Variants in ZNF189 observed in about 807,000 individuals in gnomAD.
The protein encoded by ZNF189 is zinc finger protein 189.
ZNF189 carries 33 observed loss-of-function variants against 53.5 expected under a neutral mutation model. The ratio of observed to expected loss-of-function variants is 0.62; its 90% CI spans 0.47 to 0.82. ZNF189 has a LOEUF of 0.82. ZNF189 is among the 40% of genes least tolerant of loss of function. The pLI is 0.00. For synonymous variants in ZNF189, 247 were observed against 238.8 expected, an observed-to-expected ratio of 1.03 and a Z score of -0.32; for missense variants, 711 against 753.9, an observed-to-expected ratio of 0.94 and a Z score of 0.67.
chr9:101,403,878 C>G (rs1830621386), intron 2 of ZNF189, among the ~76,000 whole-genome samples: 1 of 152,258 alleles, frequency 6.6e-6, no homozygotes. Context: ...CACAAACATT[C>G]AGTCTATAAC....
chr9:101,409,574 C>G lies in ZNF189; in HGVS notation c.1806C>G (p.Asp602Glu), dbSNP rs17772514. The G allele has an allele frequency of 1.2e-6, 2 of 1,613,916 alleles. No individual in the cohort carries two copies. Among genetic ancestry groups the G allele is most frequent in the Admixed American group, 3.3e-5 (2 of 59,950 alleles). Residue 602 changes from aspartate (D) to glutamate (E), a missense_variant, in exon 3 of 3, where the codon GAC becomes GAG. By Grantham distance (45) the Asp-to-Glu change is conservative. Transcript: ENST00000339664. ...AAACCCAAGAAACCCATGAATGTGA[C>G]GCTTGTGGTGAAGCCTTTAATTGCC... Reference protein sequence around the residue: ...EVKTQETHECDACGEAFNCRI... With the variant: ...EVKTQETHECEACGEAFNCRI...
chr9:101,404,333 A>C (rs932425988), intron 2 of ZNF189, among the ~76,000 whole-genome samples: 6 of 152,134 alleles, frequency 3.9e-5, no homozygotes, highest in Middle Eastern at 3.2e-3. Flanking sequence ...GCCTTCTTCT[A>C]AACTTTAGAT....
In ZNF189 at chr9:101,399,096, C is replaced by G; in HGVS notation, c.-61C>G. On this transcript the variant is annotated 5_prime_UTR_variant, in exon 1 of 3. Coordinates refer to ENST00000339664, the MANE Select transcript of ZNF189 (RefSeq NM_003452.4). ...TAATTTCCAGCAGCCGGGTAGGCCT[C>G]ACCAGAGGCTCCTTTCCGTGAGGCC... 1 of 1,254,650 alleles carries G rather than the reference C, an allele frequency of 8.0e-7. No individual in the cohort carries two copies. The highest frequency in any genetic ancestry group is 1.2e-6 in the Non-Finnish European group (1 of 856,006). 77.7% of individuals were successfully genotyped at this position (1,254,650 alleles called of 1,614,324 possible).
chr9:101,403,106 G>C (rs1260804885), intron 2 of ZNF189, among the ~76,000 whole-genome samples: 1 of 151,754 alleles, frequency 6.6e-6, no homozygotes, highest in Non-Finnish European at 1.5e-5. Context: ...ATATGTGTGT[G>C]TGTGTGTGTG....
At position 101,408,660 on chromosome 9, in the gene ZNF189, A is replaced by T. The variant is rs1018267579; in HGVS notation, c.892A>T (p.Ser298Cys). Reference protein sequence around the residue: ...YHCTKCKKSFSRNSLLVEHQR... With the variant: ...YHCTKCKKSFCRNSLLVEHQR... Reference sequence around the variant, plus strand: ...CTGTACCAAATGTAAGAAGAGCTTTAGTCGAAATTCATTGCTTGTTGAGCA... The same window carrying T: ...CTGTACCAAATGTAAGAAGAGCTTTTGTCGAAATTCATTGCTTGTTGAGCA... Residue 298 changes from serine to cysteine, a missense_variant, in exon 3 of 3, where the codon AGT becomes TGT. Ser to Cys is a moderately radical substitution (Grantham distance 112). Coordinates refer to ENST00000339664, the MANE Select transcript of ZNF189 (RefSeq NM_003452.4). The T allele has an allele frequency of 6.2e-7, 1 of 1,614,190 alleles. No homozygotes were observed. Among genetic ancestry groups the T allele is most frequent in the Admixed American group, 1.7e-5 (1 of 60,028 alleles).
chr9:101,402,362 A>G (rs1366135469), intron 2 of ZNF189, among the ~76,000 whole-genome samples: 1 of 152,238 alleles, frequency 6.6e-6, no homozygotes, highest in Non-Finnish European at 1.5e-5. Flanking sequence ...GGAAATAATA[A>G]TAGCACCTAC....
intron 2 of ZNF189, among the ~76,000 whole-genome samples, chr9:101,403,520 C>T (rs1295155562): frequency 1.3e-5 from 2 of 152,094 alleles, no homozygotes; most frequent in East Asian, 3.8e-4. Flanking sequence ...TTTGGCTTTT[C>T]ATTCATACTT....
rs766583468 is a variant in ZNF189, at chr9:101,408,505, G to T, written c.737G>T (p.Ser246Ile). 6.2e-7 allele frequency: 1 copy of T among 1,614,132 alleles called. No homozygotes were observed. The highest frequency in any genetic ancestry group is 8.5e-7 in the Non-Finnish European group (1 of 1,180,036). The change falls in exon 3 of 3, where the codon AGC becomes ATC. Residue 246 changes from serine to isoleucine, a missense_variant. Coordinates refer to ENST00000339664, the MANE Select transcript of ZNF189 (RefSeq NM_003452.4). ...AAACAGAGCTTCAGCCAGAGAAGGAGCCTTGTTAAACATCAAAGGATTCAT... is the reference window on the plus strand; with the variant it reads ...AAACAGAGCTTCAGCCAGAGAAGGATCCTTGTTAAACATCAAAGGATTCAT... The part of the protein sequence containing the change: ...QCKQSFSQRR[S>I]LVKHQRIHTG...
chr9:101,401,747 C>T (rs568477125), intron 2 of ZNF189, among the ~76,000 whole-genome samples: 13 of 152,176 alleles, frequency 8.5e-5, no homozygotes, highest in Non-Finnish European at 1.8e-4. Flanking sequence ...TTGTCAAATG[C>T]AGTAGACTCT....
In ZNF189 at chr9:101,408,177, AT is replaced by A; in HGVS notation, c.410del (p.Ile137ThrfsTer79). 6.2e-7 allele frequency: 1 copy of A among 1,614,198 alleles called. No homozygotes were observed. The highest frequency in any genetic ancestry group is 8.5e-7 in the Non-Finnish European group (1 of 1,180,034). ...AATGTTCAGAGAAAACACTAACATT[AT>A]CCGTAAAAGACCAAACTCAGAAGAG... ...QRMFRENTNI[I>X]RKRPNSEEKC... On this transcript the variant is annotated frameshift_variant, in exon 3 of 3. Coordinates refer to ENST00000339664, the MANE Select transcript of ZNF189 (RefSeq NM_003452.4). LOFTEE classifies it high-confidence loss of function.
rs751607123 is a variant in ZNF189, at chr9:101,407,997, G to T, written c.229G>T (p.Val77Leu). Residue 77 changes from valine (V) to leucine (L), a missense_variant, in exon 3 of 3, where the codon GTG becomes TTG. Coordinates refer to ENST00000339664, the MANE Select transcript of ZNF189 (RefSeq NM_003452.4). ...AGAGATTGAAGAAATTGAGGAAGAA[G>T]TGGAACCACAGGGTGTAATAGTTAC... ...KQEIEEIEEE[V>L]EPQGVIVTRI... 6.2e-7 allele frequency: 1 copy of T among 1,609,004 alleles called. No homozygotes were observed. Among genetic ancestry groups the T allele is most frequent in the East Asian group, 2.2e-5 (1 of 44,782 alleles).
Position 101,409,008 on chromosome 9 carries a change from G to A in ZNF189, c.1240G>A (p.Gly414Ser). The change falls in exon 3 of 3, where the codon GGT (glycine) becomes AGT (serine). Residue 414 changes from glycine to serine, a missense_variant. Gly to Ser is a moderately conservative substitution (Grantham distance 56). Coordinates refer to ENST00000339664, the MANE Select transcript of ZNF189 (RefSeq NM_003452.4). ...ECGKAFSRSSGLIQHQRIHTR... is the reference protein window; with the variant it reads ...ECGKAFSRSSSLIQHQRIHTR... ...TGGAAAAGCCTTTAGTAGAAGCTCA[G>A]GTCTTATTCAGCATCAGAGAATTCA... The A allele has an allele frequency of 2.5e-6, 4 of 1,614,040 alleles. No homozygotes were observed. The highest frequency in any genetic ancestry group is 3.4e-6 in the Non-Finnish European group (4 of 1,180,000).
chr9:101,409,660 A>G lies in ZNF189; in HGVS notation c.*11A>G, dbSNP rs1564073105. The G allele has an allele frequency of 6.3e-7, 1 of 1,582,974 alleles. No individual in the cohort carries two copies. Among genetic ancestry groups the G allele is most frequent in the Non-Finnish European group, 8.6e-7 (1 of 1,167,114 alleles). The stretch of plus-strand genomic sequence containing the variant: ...GCATGGATGCAATAAATGTAGAGCA[A>G]TACATAAGCTCAATTTGATTTGAGA... On this transcript the variant is annotated 3_prime_UTR_variant, in exon 3 of 3. Transcript: ENST00000339664.
intron 2 of ZNF189, among the ~76,000 whole-genome samples, chr9:101,406,824 A>G (rs577891838): frequency 5.9e-5 from 9 of 152,328 alleles, no homozygotes; most frequent in Admixed American, 2.0e-4. Context: ...GATGTACTAT[A>G]TGACACTCTG....
chr9:101,401,222 C>T (rs1466216104), intron 2 of ZNF189, among the ~76,000 whole-genome samples: 1 of 152,132 alleles, frequency 6.6e-6, no homozygotes. Context: ...GTTTTTATAT[C>T]TTAGCAATAT....
At chr9:101,404,661 C>G (rs1268156588) in intron 2 of ZNF189, among the ~76,000 whole-genome samples, 1 of 152,076 alleles carries the variant, frequency 6.6e-6, no homozygotes, top group Admixed American at 6.5e-5. Context: ...TCATTTGCTT[C>G]TTCCAGGAAT....
In ZNF189 at chr9:101,399,049, G is replaced by C. The variant is rs931105072; in HGVS notation, c.-108G>C. 1.8e-4 allele frequency: 145 copies of C among 824,088 alleles called. 2 individuals are homozygous for C. The highest frequency in any genetic ancestry group is 3.1e-5 in the Non-Finnish European group (15 of 478,238). The allele number at this position is 824,088 out of a possible 1,614,324, so 51.0% of individuals were successfully genotyped here. A position where few individuals can be genotyped will look rare whatever the true frequency, so the allele number is the denominator to read the frequency against. ...GCAGGCACTGGCCAGACCCAGCCAG[G>C]GATCCTCGTATTCGTCGAGCCTAAT... On this transcript the variant is annotated 5_prime_UTR_variant, in exon 1 of 3. Transcript: ENST00000339664.
Position 101,409,119 on chromosome 9 carries a change from C to G in ZNF189, c.1351C>G (p.Pro451Ala). The G allele has an allele frequency of 6.2e-7, 1 of 1,613,786 alleles. No homozygotes were observed. Among genetic ancestry groups the G allele is most frequent in the Non-Finnish European group, 8.5e-7 (1 of 1,179,938 alleles). ...TCTTGTTATACAGCAGGAAGTCTAC[C>G]CTAAGGAGAAATCTTATAAATGTGA... is the stretch of plus-strand genomic sequence containing the variant. Reference protein sequence around the residue: ...CSLVIQQEVYPKEKSYKCDEC... With the variant: ...CSLVIQQEVYAKEKSYKCDEC... The change falls in exon 3 of 3, where the codon CCT becomes GCT. Residue 451 changes from proline (P) to alanine (A), a missense_variant. Transcript: ENST00000339664.
In ZNF189 at chr9:101,409,494, A is replaced by G; in HGVS notation, c.1726A>G (p.Ser576Gly). The G allele has an allele frequency of 6.2e-7, 1 of 1,614,136 alleles. No individual in the cohort carries two copies. The highest frequency in any genetic ancestry group is 8.5e-7 in the Non-Finnish European group (1 of 1,180,012). ...TTATAAGTGTGAGAAGTGCGACAAAAGTTTCAGTCAACAGCGCAGTCTTGT... is the reference window on the plus strand; with the variant it reads ...TTATAAGTGTGAGAAGTGCGACAAAGGTTTCAGTCAACAGCGCAGTCTTGT... Reference protein sequence around the residue: ...KPYKCEKCDKSFSQQRSLVNH... With the variant: ...KPYKCEKCDKGFSQQRSLVNH... The change falls in exon 3 of 3, where the codon AGT becomes GGT. Residue 576 changes from serine (S) to glycine (G), a missense_variant. Transcript: ENST00000339664.
Sources: gnomAD v4.1 joint callset for allele counts (sites outside exome capture counted in the v4.1 genomes callset) on GRCh38, gnomAD v4.1.1 for gene constraint, MANE v1.5 for transcripts, NCBI Gene and HGNC (gene_info 2026-07-23, HGNC 2026-07-21) for gene names.